Variants in CBR4 observed in about 807,000 individuals in gnomAD.
CBR4 encodes the protein 3-oxoacyl-[acyl-carrier-protein] reductase.
Under a neutral mutation model 21.0 loss-of-function variants are expected in CBR4, and 22 were observed. That is an observed-to-expected ratio of 1.05 (90% CI 0.75 to 1.50). The LOEUF is 1.50. Among genes scored for constraint, CBR4 ranks in the 40% most tolerant of loss-of-function variants. The pLI, the probability that CBR4 is intolerant of heterozygous loss-of-function variation, is 0.00. For missense variants in CBR4, 302 were observed against 286.3 expected, an observed-to-expected ratio of 1.05 and a Z score of -0.40; for synonymous variants, 100 against 104.4, an observed-to-expected ratio of 0.96 and a Z score of 0.26.
chr4:168,987,477 T>G (rs9683988), downstream of CBR4: 808 of 199,118 alleles, frequency 4.1e-3, 4 homozygotes, highest in African/African-American at 0.018. Flanking sequence ...ATTAGCTAAA[T>G]GAATGAACAC....
At chr4:168,987,268 G>C (rs1299065533), downstream of CBR4, among the ~76,000 whole-genome samples, 3 of 152,162 alleles carry the variant, frequency 2.0e-5, no homozygotes, top group African/African-American at 4.8e-5. Context: ...AAAGGAATCT[G>C]ATCAAGAAAT....
intron 3 of CBR4, among the ~76,000 whole-genome samples, chr4:169,002,634 G>C (rs953084394): frequency 1.3e-5 from 2 of 151,938 alleles, no homozygotes; most frequent in Non-Finnish European, 2.9e-5. Context: ...GAAAGCTCTC[G>C]TTTTCACCCT....
intron 2 of CBR4, among the ~76,000 whole-genome samples, chr4:168,977,597 T>C (rs749249338): frequency 7.9e-5 from 12 of 152,198 alleles, no homozygotes; most frequent in Non-Finnish European, 1.2e-4. Flanking sequence ...TTAGTAACTG[T>C]TTCTACACAG....
intron 2 of CBR4, among the ~76,000 whole-genome samples, chr4:168,918,339 T>TATATAC (rs754737860): frequency 4.4e-4 from 65 of 147,230 alleles, no homozygotes; most frequent in South Asian, 3.0e-3. Flanking sequence ...TATATATATA[T>TATATAC]ACATACATAC....
chr4:168,979,735 C>A (rs1764484402), intron 2 of CBR4, among the ~76,000 whole-genome samples: 1 of 152,192 alleles, frequency 6.6e-6, no homozygotes, highest in Admixed American at 6.5e-5. Flanking sequence ...GCCCCCAGAG[C>A]AGCTGCCCCA....
At chr4:168,935,254 C>T (rs142287161) in intron 2 of CBR4, among the ~76,000 whole-genome samples, 97 of 152,332 alleles carry the variant, frequency 6.4e-4, no homozygotes, top group African/African-American at 2.1e-3. Flanking sequence ...CCAGATACCA[C>T]GCTTTTCCCA....
chr4:168,991,518 A>G (rs1764922368), intron 4 of CBR4, among the ~76,000 whole-genome samples: 1 of 152,226 alleles, frequency 6.6e-6, no homozygotes, highest in Non-Finnish European at 1.5e-5. Context: ...ATACAAGTAA[A>G]CATAGAAAAT....
chr4:168,898,477 A>T (rs773761042), intron 2 of CBR4: 2 of 1,569,220 alleles, frequency 1.3e-6, no homozygotes, highest in African/African-American at 2.7e-5. Context: ...GCTAACTTAA[A>T]CTTTCCTTGA....
chr4:169,004,022 C>A (rs1331617898), intron 3 of CBR4, among the ~76,000 whole-genome samples: 1 of 152,038 alleles, frequency 6.6e-6, no homozygotes, highest in Non-Finnish European at 1.5e-5. Flanking sequence ...GTGCAGCACA[C>A]CAGCATGGCA....
intron 2 of CBR4, among the ~76,000 whole-genome samples, chr4:168,951,453 T>C (rs1033663085): frequency 6.6e-6 from 1 of 152,250 alleles, no homozygotes. Flanking sequence ...ATTTGTTGCC[T>C]GTGTACTGTG....
chr4:169,007,466 T>A (rs936133446), intron 2 of CBR4, among the ~76,000 whole-genome samples, 170 bp downstream of exon 2: 2 of 152,212 alleles, frequency 1.3e-5, no homozygotes, highest in South Asian at 4.1e-4. Context: ...ATTTATTATA[T>A]GTTGTATCTC....
chr4:168,992,474 T>C (rs947097108), intron 4 of CBR4, among the ~76,000 whole-genome samples: 5 of 152,044 alleles, frequency 3.3e-5, no homozygotes, highest in African/African-American at 1.2e-4. Context: ...CCAAACTGCA[T>C]CTGCACCTGC....
chr4:168,903,316 T>C (rs1189958543), intron 2 of CBR4, among the ~76,000 whole-genome samples: 2 of 152,158 alleles, frequency 1.3e-5, no homozygotes, highest in East Asian at 3.9e-4. Context: ...TCTGCTTTTG[T>C]TCTCCAAAAC....
chr4:168,952,905 G>C (rs183147668), intron 2 of CBR4, among the ~76,000 whole-genome samples: 2 of 152,222 alleles, frequency 1.3e-5, no homozygotes, highest in Admixed American at 6.5e-5. Flanking sequence ...CCTGCCAGGA[G>C]GTGGCTCTTT....
chr4:168,960,769 T>C (rs566398091), intron 2 of CBR4, among the ~76,000 whole-genome samples: 1 of 152,354 alleles, frequency 6.6e-6, no homozygotes, highest in African/African-American at 2.4e-5. Flanking sequence ...AGAAATAAGT[T>C]TGCTGAGATT....
At chr4:169,003,919 G>A (rs1730675852) in intron 3 of CBR4, among the ~76,000 whole-genome samples, 1 of 152,090 alleles carries the variant, frequency 6.6e-6, no homozygotes, top group African/African-American at 2.4e-5. Context: ...CACAGGAAGG[G>A]GAACATCACG....
chr4:168,925,020 T>A, intron 2 of CBR4: 1 of 1,614,136 alleles, frequency 6.2e-7, no homozygotes, highest in Non-Finnish European at 8.5e-7. Flanking sequence ...GGTGGTATAC[T>A]GTGTCAGCCA....
chr4:168,945,296 T>C (rs1428139359), intron 2 of CBR4, among the ~76,000 whole-genome samples: 4 of 152,214 alleles, frequency 2.6e-5, no homozygotes, highest in Non-Finnish European at 4.4e-5. Flanking sequence ...ATTCCCTCCC[T>C]GCTCAATTGA....
intron 3 of CBR4, among the ~76,000 whole-genome samples, chr4:169,002,552 T>G (rs1730541024): frequency 6.6e-6 from 1 of 152,186 alleles, no homozygotes; most frequent in Non-Finnish European, 1.5e-5. Flanking sequence ...TTCCAGCAGG[T>G]AGAGGTTAAA....
Sources: gnomAD v4.1 joint callset for allele counts (sites outside exome capture counted in the v4.1 genomes callset) on GRCh38, gnomAD v4.1.1 for gene constraint, MANE v1.5 for transcripts, NCBI Gene and HGNC (gene_info 2026-07-23, HGNC 2026-07-21) for gene names.